Variants in ARHGAP5 observed in about 807,000 individuals in gnomAD.
ARHGAP5 encodes rho GTPase-activating protein 5.
A neutral mutation model predicts 116.6 loss-of-function variants in ARHGAP5; 23 were observed. The observed-to-expected ratio is 0.20, with a 90% CI of 0.14 to 0.28. ARHGAP5 has a LOEUF of 0.28. Ranked by LOEUF, ARHGAP5 falls within the 10% of genes least tolerant of loss-of-function variation. The pLI, the probability that ARHGAP5 is intolerant of heterozygous loss-of-function variation, is 1.00. For missense variants in ARHGAP5, 1,405 were observed against 1,774.8 expected (o/e 0.79, Z 3.74); for synonymous variants, 574 against 602.0 (o/e 0.95, Z 0.68).
rs113959798 is a variant in ARHGAP5, at chr14:32,123,582, GCTT to G, written c.3865+6299_3865+6301del. Among the ~76,000 whole-genome samples, 460 of 151,656 alleles carry G rather than the reference GCTT, an allele frequency of 3.0e-3. 1 individual carries two copies. Among genetic ancestry groups the G allele is most frequent in the African/African-American group, 9.7e-3 (400 of 41,366 alleles). On this transcript the variant is annotated intron_variant, in intron 3 of 6. Coordinates refer to ENST00000345122, the MANE Select transcript of ARHGAP5 (RefSeq NM_001030055.2). Reference sequence around the variant, plus strand: ...GTTGTTTTGTGGGTTATATTTTTCTGCTTCTTGTTTTGATAGTTTTGATGTCAG... The same window carrying G: ...GTTGTTTTGTGGGTTATATTTTTCTGCTTGTTTTGATAGTTTTGATGTCAG...
chr14:32,111,862 T>G (rs1879320833), intron 2 of ARHGAP5, among the ~76,000 whole-genome samples: 1 of 125,392 alleles, frequency 8.0e-6, no homozygotes, highest in Admixed American at 9.1e-5. Context: ...TTTTTTTTTT[T>G]GACAGAGTCT....
intron 2 of ARHGAP5, among the ~76,000 whole-genome samples, chr14:32,112,545 G>A (rs1210764657): frequency 6.6e-6 from 1 of 152,202 alleles, no homozygotes; most frequent in Non-Finnish European, 1.5e-5. Context: ...TTAAGTAGAA[G>A]TTCAGATATG....
rs1434836918 is a variant in ARHGAP5, at chr14:32,146,207, A to G, written c.3866-56A>G. The stretch of plus-strand genomic sequence containing the variant: ...ATTACAAACATGAGCCACTGTGCCC[A>G]GCCGTGTGGATATATATGTGTTTAT... On this transcript the variant is annotated intron_variant, in intron 3 of 6. Transcript: ENST00000345122. 1.8e-5 allele frequency: 24 copies of G among 1,312,256 alleles called. No individual in the cohort carries two copies. The Admixed American group carries it at 4.0e-4, about 22-fold the overall frequency. 81.3% of individuals were successfully genotyped at this position (1,312,256 alleles called of 1,614,324 possible).
chr14:32,148,168 A>ATCTATCTG (rs1881472677), intron 4 of ARHGAP5, among the ~76,000 whole-genome samples: 1 of 112,856 alleles, frequency 8.9e-6, no homozygotes, highest in Non-Finnish European at 2.0e-5. Context: ...AAAGAAATCT[A>ATCTATCTG]TCTATCTATC....
chr14:32,113,409 A>T (rs1351295486), intron 2 of ARHGAP5, among the ~76,000 whole-genome samples: 5 of 152,246 alleles, frequency 3.3e-5, no homozygotes, highest in Non-Finnish European at 1.5e-5. Flanking sequence ...TGTATGGATT[A>T]TAATTTGACT....
chr14:32,111,839 ATTTTTT>A (rs34512246), intron 2 of ARHGAP5, among the ~76,000 whole-genome samples: 6 of 93,172 alleles, frequency 6.4e-5, no homozygotes, highest in South Asian at 3.6e-4. Flanking sequence ...TTCTTCTTTG[ATTTTTT>A]TTTTTTTTTT....
chr14:32,107,352 T>C (rs1197943048), intron 2 of ARHGAP5, among the ~76,000 whole-genome samples: 2 of 152,198 alleles, frequency 1.3e-5, no homozygotes, highest in Non-Finnish European at 2.9e-5. Flanking sequence ...TAGTAACTCC[T>C]ATAGGAATGA....
intron 3 of ARHGAP5, among the ~76,000 whole-genome samples, chr14:32,119,010 C>G (rs1310313616): frequency 1.3e-5 from 2 of 152,080 alleles, no homozygotes; most frequent in Non-Finnish European, 2.9e-5. Flanking sequence ...TTTAGGTCAA[C>G]TCTCAGGCGA....
chr14:32,147,060 T>C (rs546843931), intron 4 of ARHGAP5, among the ~76,000 whole-genome samples: 2 of 152,230 alleles, frequency 1.3e-5, no homozygotes, highest in African/African-American at 4.8e-5. Flanking sequence ...ATTTGACTTA[T>C]GATTGATCGG....
intron 1 of ARHGAP5, among the ~76,000 whole-genome samples, chr14:32,082,282 T>TA (rs2041784909): frequency 6.6e-6 from 1 of 152,240 alleles, no homozygotes; most frequent in Non-Finnish European, 1.5e-5. Flanking sequence ...ATAAGAGTAT[T>TA]ACACCAAATG....
rs1016697943 is a variant in ARHGAP5 at position 32,093,500 on chromosome 14, T to C, written c.2831T>C (p.Met944Thr). ...AGTGATGTTCTAGAGAAAAAAAATA[T>C]GATAGAAAATTCTTATTTGTCTGAT... ...FFSDVLEKKNMIENSYLSDNT... is the reference protein window; with the variant it reads ...FFSDVLEKKNTIENSYLSDNT... The change falls in exon 2 of 7, where the codon ATG becomes ACG. Residue 944 changes from methionine (M) to threonine (T), a missense_variant. This residue lies in a region of ARHGAP5 where 944 missense variants were observed against 1,095.3 expected (regional missense o/e 0.86). Coordinates refer to ENST00000345122, the MANE Select transcript of ARHGAP5 (RefSeq NM_001030055.2). 3.7e-6 allele frequency: 6 copies of C among 1,612,284 alleles called. No individual in the cohort carries two copies. The African/African-American group carries it at 4.0e-5, about 11-fold the overall frequency.
At chr14:32,077,465 G>C in intron 1 of ARHGAP5, 30 bp downstream of exon 1, 1 of 692,972 alleles carries the variant, frequency 1.4e-6, no homozygotes, top group Non-Finnish European at 2.6e-6. Flanking sequence ...GCTCCTCCAA[G>C]CCTGCCTGCC....
At chr14:32,150,093 G>A in intron 5 of ARHGAP5, 60 bp downstream of exon 5, 2 of 1,379,750 alleles carry the variant, frequency 1.4e-6, no homozygotes, top group Non-Finnish European at 1.9e-6. Flanking sequence ...GATATTGATT[G>A]CTAAGTGTTA....
chr14:32,134,256 A>G (rs1880667279), intron 3 of ARHGAP5, among the ~76,000 whole-genome samples: 1 of 152,182 alleles, frequency 6.6e-6, no homozygotes, highest in Non-Finnish European at 1.5e-5. Context: ...GAATATTCCT[A>G]AATTTTATTT....
intron 3 of ARHGAP5, among the ~76,000 whole-genome samples, chr14:32,120,936 T>G (rs1201768376): frequency 6.6e-6 from 1 of 152,088 alleles, no homozygotes; most frequent in Non-Finnish European, 1.5e-5. Flanking sequence ...GATTGTGTGT[T>G]TCTCCTTTCA....
chr14:32,140,408 C>T lies in ARHGAP5; in HGVS notation c.3866-5855C>T, dbSNP rs557267709. Among the ~76,000 whole-genome samples the T allele has an allele frequency of 7.4e-5, 11 of 149,582 alleles. No individual in the cohort carries two copies. The East Asian group carries it at 2.0e-3, about 27-fold the overall frequency. ...CATCCTGGCTAACACGGTGAAACCC[C>T]GTCTCGACTAAAAATACAAAAAAAA... On this transcript the variant is annotated intron_variant, in intron 3 of 6. Transcript: ENST00000345122.
At chr14:32,105,480 T>C (rs1326206435) in intron 2 of ARHGAP5, among the ~76,000 whole-genome samples, 1 of 151,686 alleles carries the variant, frequency 6.6e-6, no homozygotes, top group African/African-American at 2.4e-5. Flanking sequence ...TGCTATTGTT[T>C]TTTTTTTTAA....
At chr14:32,135,098 A>G (rs1880718404) in intron 3 of ARHGAP5, among the ~76,000 whole-genome samples, 1 of 152,302 alleles carries the variant, frequency 6.6e-6, no homozygotes, top group Non-Finnish European at 1.5e-5. Context: ...GACTCAGTAT[A>G]TAGCATTTAT....
At chr14:32,098,922 C>G (rs764107098) in intron 2 of ARHGAP5, among the ~76,000 whole-genome samples, 7 of 152,098 alleles carry the variant, frequency 4.6e-5, no homozygotes, top group Admixed American at 6.6e-5. Context: ...CTTGTGATCA[C>G]TCGGTTACAG....
Sources: gnomAD v4.1 joint callset for allele counts (sites outside exome capture counted in the v4.1 genomes callset) on GRCh38, gnomAD v4.1.1 for gene constraint, gnomAD v4.1.1 regional missense constraint, MANE v1.5 for transcripts, NCBI Gene and HGNC (gene_info 2026-07-23, HGNC 2026-07-21) for gene names.